The following ANO1 variants were observed in gnomAD, a reference collection of about 807,000 sequenced individuals.
ANO1 encodes the protein anoctamin 1.
A neutral mutation model predicts 124.0 loss-of-function variants in ANO1; 59 were observed. The observed-to-expected ratio is 0.48, with a 90% confidence interval of 0.39 to 0.59. The LOEUF is 0.59. Among genes scored for constraint, ANO1 ranks in the 20% least tolerant of loss-of-function variants. The pLI, the probability that ANO1 is intolerant of heterozygous loss-of-function variation, is 0.00. For missense variants in ANO1, 1,059 were observed against 1,328.0 expected (o/e 0.80, Z 3.15); for synonymous variants, 529 against 532.0 (o/e 0.99, Z 0.08).
In ANO1 at chr11:70,155,403, G is replaced by A. The variant is rs140511123; in HGVS notation, c.1426-508G>A. Among the ~76,000 whole-genome samples the A allele has an allele frequency of 4.9e-3, 743 of 152,266 alleles. 4 individuals are homozygous for A. Among genetic ancestry groups the A allele is most frequent in the Non-Finnish European group, 7.7e-3 (523 of 68,006 alleles). ...CCCCCAGGCCCTGTCTGCTTCTGAC[G>A]GGCCGTACCCTTTATTTCCTCCTCT... On this transcript the variant is annotated intron_variant, in intron 14 of 25. Coordinates refer to ENST00000355303, the MANE Select transcript of ANO1 (RefSeq NM_018043.7).
chr11:70,188,736 A>C lies in ANO1; in HGVS notation c.*732A>C, dbSNP rs1256692103. 3 of 152,254 alleles carry C rather than the reference A, an allele frequency of 2.0e-5. No individual in the cohort carries two copies. Among genetic ancestry groups the C allele is most frequent in the Admixed American group, 6.5e-5 (1 of 15,270 alleles). The allele number at this position is 152,254 out of a possible 1,614,324, so 9.4% of individuals were successfully genotyped here. ...GCCCCCATCACACCAAGCCGACCTCAGAGTTGTTCATCTTCCTTATGGGAC... is the reference window on the plus strand; with the variant it reads ...GCCCCCATCACACCAAGCCGACCTCCGAGTTGTTCATCTTCCTTATGGGAC... On this transcript the variant is annotated 3_prime_UTR_variant, in exon 26 of 26. Coordinates refer to ENST00000355303, the MANE Select transcript of ANO1 (RefSeq NM_018043.7).
intron 2 of ANO1, among the ~76,000 whole-genome samples, chr11:70,097,499 T>A (rs1003747469): frequency 1.3e-5 from 2 of 152,236 alleles, no homozygotes; most frequent in Admixed American, 6.5e-5. Context: ...GCCCAGGGAC[T>A]GAGAGCATCT....
intron 1 of ANO1, among the ~76,000 whole-genome samples, chr11:70,007,045 T>C (rs373070668): frequency 1.4e-4 from 21 of 152,270 alleles, no homozygotes; most frequent in African/African-American, 4.6e-4. Context: ...TGTATGCACA[T>C]GATGCTGTGC....
intron 1 of ANO1, among the ~76,000 whole-genome samples, chr11:70,000,512 G>C (rs1856362894): frequency 1.3e-5 from 2 of 152,106 alleles, no homozygotes; most frequent in Non-Finnish European, 2.9e-5. Context: ...AAGCGCATGA[G>C]ATACCGAGCT....
rs1030989951 is a variant in ANO1 at position 70,188,050 on chromosome 11, G to A, written c.*46G>A. ...AGGCCAGCCGGGCATCCTGACCGATGGGCACCCTCTCCCAGGGCAGGCGGC... is the reference window on the plus strand; with the variant it reads ...AGGCCAGCCGGGCATCCTGACCGATAGGCACCCTCTCCCAGGGCAGGCGGC... On this transcript the variant is annotated 3_prime_UTR_variant, in exon 26 of 26. Transcript: ENST00000355303. 4.8e-5 allele frequency: 73 copies of A among 1,527,648 alleles called. No individual in the cohort carries two copies. Among genetic ancestry groups the A allele is most frequent in the Admixed American group, 2.0e-4 (10 of 50,224 alleles). 94.6% of individuals were successfully genotyped at this position (1,527,648 alleles called of 1,614,324 possible). A position where few individuals can be genotyped will look rare whatever the true frequency, so the allele number is the denominator to read the frequency against.
chr11:70,049,478 G>A (rs552456216), intron 1 of ANO1, among the ~76,000 whole-genome samples: 2 of 152,226 alleles, frequency 1.3e-5, no homozygotes, highest in African/African-American at 4.8e-5. Flanking sequence ...CTGCCACATA[G>A]CTGGCATGGA....
At chr11:70,020,283 G>A (rs906386437) in intron 1 of ANO1, among the ~76,000 whole-genome samples, 12 of 152,144 alleles carry the variant, frequency 7.9e-5, no homozygotes, top group Non-Finnish European at 1.8e-4. Context: ...CTATCCACAG[G>A]AAATCCCCCA....
chr11:70,008,360 A>T (rs1333894347), intron 1 of ANO1, among the ~76,000 whole-genome samples: 1 of 152,196 alleles, frequency 6.6e-6, no homozygotes, highest in Non-Finnish European at 1.5e-5. Context: ...TTCTTCTAGC[A>T]GTTCTGTATT....
chr11:69,977,421 C>T, the ANO1 span, among the ~76,000 whole-genome samples: 3 of 152,254 alleles, frequency 2.0e-5, no homozygotes, highest in Non-Finnish European at 1.5e-5. Flanking sequence ...GGCCTGAGCA[C>T]CTGGGCGTGC....
chr11:70,027,412 G>T (rs1361305571), intron 1 of ANO1, among the ~76,000 whole-genome samples: 1 of 152,206 alleles, frequency 6.6e-6, no homozygotes, highest in Non-Finnish European at 1.5e-5. Flanking sequence ...GAATGTTTGT[G>T]TGGGTACCCG....
In ANO1 at chr11:70,182,445, G is replaced by A. The variant is rs1349637587; in HGVS notation, c.2404-57G>A. ...TGTGGATGGGTCACCCCCTGTTGCG[G>A]CCGGCCCTTCTGCGCCCAGGCTGGG... On this transcript the variant is annotated intron_variant, in intron 23 of 25. Transcript: ENST00000355303. 5 of 1,417,264 alleles carry A rather than the reference G, an allele frequency of 3.5e-6. No homozygotes were observed. In the African/African-American group the frequency reaches 4.4e-5, roughly 12 times the overall value. 87.8% of individuals were successfully genotyped at this position (1,417,264 alleles called of 1,614,324 possible).
At chr11:70,175,526 G>A (rs1022335349) in intron 22 of ANO1, among the ~76,000 whole-genome samples, 2 of 152,210 alleles carry the variant, frequency 1.3e-5, no homozygotes, top group African/African-American at 4.8e-5. Context: ...TCACCCTGTC[G>A]TCCAGCGGGT....
At chr11:70,099,413 G>T (rs764691553) in intron 2 of ANO1, among the ~76,000 whole-genome samples, 1 of 152,188 alleles carries the variant, frequency 6.6e-6, no homozygotes, top group Admixed American at 6.5e-5. Context: ...AGCAGCCACC[G>T]GCTCCTTGAC....
chr11:70,024,855 G>A (rs1290439932), intron 1 of ANO1, among the ~76,000 whole-genome samples: 2 of 152,190 alleles, frequency 1.3e-5, no homozygotes. Flanking sequence ...AGATAGACTT[G>A]TCTGCTTCTC....
intron 1 of ANO1, among the ~76,000 whole-genome samples, chr11:70,048,164 T>C (rs1362582771): frequency 6.6e-6 from 1 of 152,274 alleles, no homozygotes; most frequent in Non-Finnish European, 1.5e-5. Context: ...AATTCCATTT[T>C]ATTTCAACTG....
chr11:70,163,559 G>T, intron 19 of ANO1: 1 of 626,860 alleles, frequency 1.6e-6, no homozygotes, highest in Non-Finnish European at 2.8e-6. Flanking sequence ...GGATAAAGTC[G>T]CTGTAGAGTT....
chr11:70,144,379 A>T (rs151029182), intron 11 of ANO1, among the ~76,000 whole-genome samples: 1 of 152,030 alleles, frequency 6.6e-6, no homozygotes, highest in East Asian at 1.9e-4. Flanking sequence ...CCGCTTGTGG[A>T]TGAAGTCAGG....
rs759539846 is a variant in ANO1, at chr11:70,104,168, G to T, written c.692+18G>T. ...CAGCATCTGTAAGTGGGGACCCCCA[G>T]CCTGCTCCCCAAAGGGTCCTGTGTG... On this transcript the variant is annotated intron_variant, in intron 4 of 25. Transcript: ENST00000355303. 1.2e-6 allele frequency: 2 copies of T among 1,606,462 alleles called. No homozygotes were observed. The highest frequency in any genetic ancestry group is 3.4e-5 in the Admixed American group (2 of 59,208).
At chr11:70,082,937 A>G (rs1163982680) in intron 1 of ANO1, among the ~76,000 whole-genome samples, 1 of 152,140 alleles carries the variant, frequency 6.6e-6, no homozygotes, top group Admixed American at 6.5e-5. Context: ...AAAAACTAAT[A>G]CCTAAACAGA....
Sources: allele counts gnomAD v4.1 joint callset (sites outside exome capture counted in the v4.1 genomes callset), GRCh38; gene constraint gnomAD v4.1.1; transcripts MANE v1.5; gene names NCBI Gene and HGNC (gene_info 2026-07-23, HGNC 2026-07-21).